Variants in ALDH16A1 observed in about 807,000 individuals in gnomAD.
ALDH16A1 encodes aldehyde dehydrogenase family 16 member A1.
In ALDH16A1, 88 loss-of-function variants were observed where a neutral mutation model predicts 96.1. The ratio of observed to expected loss-of-function variants is 0.92; its 90% CI spans 0.77 to 1.09. The LOEUF is 1.09. Among genes scored for constraint, ALDH16A1 ranks in the 50% least tolerant of loss-of-function variants. The pLI is 0.00. For synonymous variants in ALDH16A1, 522 were observed against 496.4 expected (o/e 1.05, Z -0.69); for missense variants, 1,250 against 1,112.6 (o/e 1.12, Z -1.76).
chr19:49,462,176 A>T (rs2079155537), intron 7 of ALDH16A1, 140 bp downstream of exon 7: 1 of 1,291,558 alleles, frequency 7.7e-7, no homozygotes, highest in Non-Finnish European at 1.0e-6. Flanking sequence ...CTTGTCGCCC[A>T]GGCTGGGGTG....
chr19:49,462,493 CCT>C (rs1381624175), intron 7 of ALDH16A1, 75 bp from the exon 8 acceptor site: 3 of 1,502,728 alleles, frequency 2.0e-6, no homozygotes, highest in Non-Finnish European at 2.7e-6. Context: ...AGTTTTCCAG[CCT>C]CTGTCTTCAC....
chr19:49,470,025 C>T (rs2079232046), intron 16 of ALDH16A1: 4 of 375,612 alleles, frequency 1.1e-5, no homozygotes, highest in African/African-American at 2.1e-5. Context: ...CGTCCACTCT[C>T]TTAAACCTCC....
chr19:49,466,308 C>T lies in ALDH16A1; in HGVS notation c.1938+25C>T, dbSNP rs528793096. On this transcript the variant is annotated intron_variant, in intron 14 of 16. Coordinates refer to ENST00000293350, the MANE Select transcript of ALDH16A1 (RefSeq NM_153329.4). ...GGTGAAGGGTCTGTGGGCACCTGGG[C>T]CAGCTGGGCAGGCGGGGTGGGGCTC... 20 of 1,427,488 alleles carry T rather than the reference C, an allele frequency of 1.4e-5. No individual in the cohort carries two copies. The African/African-American group carries it at 2.5e-4, about 18-fold the overall frequency. The allele number at this position is 1,427,488 out of a possible 1,614,324, so 88.4% of individuals were successfully genotyped here.
In ALDH16A1 at chr19:49,459,729, C is replaced by G. The variant is rs145883954; in HGVS notation, c.380C>G (p.Thr127Ser). Residue 127 changes from threonine to serine, a missense_variant, in exon 4 of 17, where the codon ACT becomes AGT. Physicochemically the swap from Thr to Ser is moderately conservative, Grantham distance 58. Coordinates refer to ENST00000293350, the MANE Select transcript of ALDH16A1 (RefSeq NM_153329.4). This position sits in a 1 kb window ranked among gnomAD's most constrained non-coding sequence, Gnocchi z 4.1. ...RLLWTLESLV[T>S]GRAVREVRDG... ...CTGTGGACCCTGGAATCCCTGGTGA[C>G]TGGGCGGGCTGTTCGAGAGGTTCGA... The G allele has an allele frequency of 0.014, 23,250 of 1,613,548 alleles. 217 individuals are homozygous for G. The highest frequency in any genetic ancestry group is 0.017 in the Non-Finnish European group (20,293 of 1,179,836).
intron 1 of ALDH16A1, among the ~76,000 whole-genome samples, chr19:49,456,243 T>C (rs1016181921): frequency 1.3e-5 from 2 of 152,218 alleles, no homozygotes; most frequent in Non-Finnish European, 1.5e-5. Context: ...TTCTGTATTT[T>C]CTTTGGAGTA....
chr19:49,454,019 G>C (rs1477428326), intron 1 of ALDH16A1, among the ~76,000 whole-genome samples: 1 of 79,340 alleles, frequency 1.3e-5, no homozygotes, highest in Non-Finnish European at 2.9e-5. Context: ...GTTTGGGTTG[G>C]GTTTTTTTTT....
rs774751755 is a variant in ALDH16A1, at chr19:49,468,579, GCCTTCCTGCCTCTCCT to G, written c.2124+16_2124+31del. ...GGAGGTCTGCCAGGTATAGCCCCCT[GCCTTCCTGCCTCTCCT>G]CCCCGTAGCCTCAGGGCAGCAGAAA... On this transcript the variant is annotated intron_variant, in intron 15 of 16. Transcript: ENST00000293350. The surrounding 1 kb of genome is among the most constrained non-coding windows in gnomAD (Gnocchi z 4.4). 22 of 1,600,494 alleles carry G rather than the reference GCCTTCCTGCCTCTCCT, an allele frequency of 1.4e-5. No homozygotes were observed. The highest frequency in any genetic ancestry group is 3.5e-4 in the Middle Eastern group (2 of 5,702).
At chr19:49,463,787 G>A (rs1256504955) in intron 8 of ALDH16A1, 67 bp from the exon 9 acceptor site, 20 of 1,448,640 alleles carry the variant, frequency 1.4e-5, no homozygotes, top group Admixed American at 3.6e-5. Context: ...AGGGGCTGGG[G>A]TCCTGCAGTC....
At chr19:49,458,662 C>G in intron 2 of ALDH16A1, 74 bp downstream of exon 2, 1 of 1,455,642 alleles carries the variant, frequency 6.9e-7, no homozygotes, top group Non-Finnish European at 9.4e-7. Flanking sequence ...AACACCCATT[C>G]CCCTTGCCTA....
At chr19:49,463,825 G>A (rs2079174147) in intron 8 of ALDH16A1, 29 bp from the exon 9 acceptor site, 5 of 1,600,934 alleles carry the variant, frequency 3.1e-6, no homozygotes, top group Non-Finnish European at 3.4e-6. Context: ...GGGACCAGAA[G>A]TCGACTTCTA....
At chr19:49,462,496 C>A in intron 7 of ALDH16A1, 74 bp from the exon 8 acceptor site, 2 of 1,515,808 alleles carry the variant, frequency 1.3e-6, no homozygotes, top group Non-Finnish European at 1.8e-6. Flanking sequence ...TTTCCAGCCT[C>A]TGTCTTCACT....
In ALDH16A1 at chr19:49,466,121, G is replaced by A. The variant is rs1418660123; in HGVS notation, c.1776G>A (p.Leu592=). The change falls in exon 14 of 17, where the codon CTG becomes CTA. Residue 592 remains leucine (L), a synonymous_variant. Transcript: ENST00000293350. ...GQSPGARAAL[L]WALAAALERR... is the part of the protein sequence containing the mutation. Reference sequence around the variant, plus strand: ...CCCCAGGAGCCCGGGCAGCCCTGCTGTGGGCCCTGGCGGCTGCACTGGAGC... The same window carrying A: ...CCCCAGGAGCCCGGGCAGCCCTGCTATGGGCCCTGGCGGCTGCACTGGAGC... 5.8e-6 allele frequency: 9 copies of A among 1,553,678 alleles called. No homozygotes were observed. Among genetic ancestry groups the A allele is most frequent in the Middle Eastern group, 1.9e-4 (1 of 5,358 alleles).
At chr19:49,463,761 C>T in intron 8 of ALDH16A1, 93 bp from the exon 9 acceptor site, 1 of 1,180,262 alleles carries the variant, frequency 8.5e-7, no homozygotes, top group Non-Finnish European at 1.2e-6. Context: ...GCCTGGACTC[C>T]TGGGTCTGAG....
In ALDH16A1 at chr19:49,462,025, G is replaced by T; in HGVS notation, c.901G>T (p.Asp301Tyr). 6.5e-7 allele frequency: 1 copy of T among 1,541,702 alleles called. No homozygotes were observed. Among genetic ancestry groups the T allele is most frequent in the Non-Finnish European group, 8.7e-7 (1 of 1,147,966 alleles). ...VEGVVDAAWSDRGPGGLRLLI... is the reference protein window; with the variant it reads ...VEGVVDAAWSYRGPGGLRLLI... ...GGGTGTCGTGGACGCCGCCTGGTCC[G>T]ACCGCGGCCCGGTGAGACCCGTGCG... The change falls in exon 7 of 17, where the codon GAC becomes TAC. Residue 301 changes from aspartate (D) to tyrosine (Y), a missense_variant. Physicochemically the swap from Asp to Tyr is radical, Grantham distance 160. Coordinates refer to ENST00000293350, the MANE Select transcript of ALDH16A1 (RefSeq NM_153329.4).
chr19:49,468,020 C>T lies in ALDH16A1; in HGVS notation c.1939-361C>T, dbSNP rs761045569. ...ATACAAAAAAAAAAAATTAGCCGGG[C>T]ATGGTGGCAGGTGCCTGTAGTCTCA... On this transcript the variant is annotated intron_variant, in intron 14 of 16. Transcript: ENST00000293350. The surrounding 1 kb of genome is among the most constrained non-coding windows in gnomAD (Gnocchi z 4.4). Among the ~76,000 whole-genome samples the T allele has an allele frequency of 6.6e-6, 1 of 151,450 alleles. No individual in the cohort carries two copies. The highest frequency in any genetic ancestry group is 6.6e-5 in the Admixed American group (1 of 15,170).
chr19:49,468,402 G>A lies in ALDH16A1; in HGVS notation c.1960G>A (p.Val654Met). ...GCAGGTAGCCGGGCTGAGAGGCCCT[G>A]TGCTGCGCCTGCGGGAGCCGCTGGG... ...TLQVAGLRGP[V>M]LRLREPLGVL... The change falls in exon 15 of 17, where the codon GTG (valine) becomes ATG (methionine). Residue 654 changes from valine (V) to methionine (M), a missense_variant. Coordinates refer to ENST00000293350, the MANE Select transcript of ALDH16A1 (RefSeq NM_153329.4). This position sits in a 1 kb window ranked among gnomAD's most constrained non-coding sequence, Gnocchi z 4.4. 1.3e-6 allele frequency: 2 copies of A among 1,599,886 alleles called. No homozygotes were observed. The highest frequency in any genetic ancestry group is 8.5e-7 in the Non-Finnish European group (1 of 1,179,760).
chr19:49,464,700 CTA>C lies in ALDH16A1; in HGVS notation c.1508_1509del (p.Tyr503Ter). 1 of 1,613,598 alleles carries C rather than the reference CTA, an allele frequency of 6.2e-7. No homozygotes were observed. The highest frequency in any genetic ancestry group is 8.5e-7 in the Non-Finnish European group (1 of 1,179,470). Reference protein sequence around the residue: ...RLSCLSKNLNYDTFGLAVPST... With the variant: ...RLSCLSKNLNXDTFGLAVPST... Reference sequence around the variant, plus strand: ...TGTCCTGCCTCTCCAAGAACCTGAACTATGACACCTTTGGCCTCGCTGTTCCC... The same window carrying C: ...TGTCCTGCCTCTCCAAGAACCTGAACTGACACCTTTGGCCTCGCTGTTCCC... On this transcript the variant is annotated frameshift_variant, in exon 12 of 17. Coordinates refer to ENST00000293350, the MANE Select transcript of ALDH16A1 (RefSeq NM_153329.4). LOFTEE classifies it high-confidence loss of function.
intron 14 of ALDH16A1, among the ~76,000 whole-genome samples, chr19:49,466,861 CA>C (rs1213886653): frequency 2.1e-5 from 3 of 145,582 alleles, no homozygotes; most frequent in Non-Finnish European, 4.5e-5. Context: ...CCTTGTGTCA[CA>C]AAAAAAAACA....
In ALDH16A1 at chr19:49,468,921, C is replaced by G. The variant is rs1471133286; in HGVS notation, c.2182C>G (p.His728Asp). 6.2e-7 allele frequency: 1 copy of G among 1,613,966 alleles called. No homozygotes were observed. The highest frequency in any genetic ancestry group is 1.7e-5 in the Admixed American group (1 of 59,996). The part of the protein sequence containing the change: ...LANVVTGDRD[H>D]LTRCLALHQD... ...CAACGTGGTGACAGGAGACCGGGAC[C>G]ATCTGACCCGCTGCCTGGCCTTGCA... is the stretch of plus-strand genomic sequence containing the variant. Residue 728 changes from histidine (H) to aspartate (D), a missense_variant, in exon 16 of 17, where the codon CAT (histidine) becomes GAT (aspartate). Physicochemically the swap from His to Asp is moderately conservative, Grantham distance 81. Transcript: ENST00000293350. The surrounding 1 kb of genome is among the most constrained non-coding windows in gnomAD (Gnocchi z 4.4).
Sources: gnomAD v4.1 joint callset for allele counts (sites outside exome capture counted in the v4.1 genomes callset) on GRCh38, gnomAD v4.1.1 for gene constraint, Gnocchi (gnomAD v3.1) non-coding constraint, MANE v1.5 for transcripts, NCBI Gene and HGNC (gene_info 2026-07-23, HGNC 2026-07-21) for gene names.